AUTS2: variants seen among roughly 807,000 people sequenced by gnomAD.
The protein encoded by AUTS2 is autism susceptibility gene 2 protein.
Under a neutral mutation model 112.4 loss-of-function variants are expected in AUTS2, and 17 were observed. That is an observed-to-expected ratio of 0.15 (90% CI 0.10 to 0.23). The LOEUF (loss-of-function observed/expected upper bound fraction) is 0.23, where lower values mean the gene tolerates loss of function less well. Ranked by LOEUF, AUTS2 falls within the 10% of genes least tolerant of loss-of-function variation. AUTS2 has a pLI of 1.00. For missense variants in AUTS2, 1,510 were observed against 1,701.6 expected (o/e 0.89, Z 1.98); for synonymous variants, 751 against 702.7 (o/e 1.07, Z -1.09).
intron 1 of AUTS2, among the ~76,000 whole-genome samples, chr7:69,842,904 GA>G (rs778567558): frequency 1.3e-5 from 2 of 152,134 alleles, no homozygotes; most frequent in African/African-American, 2.4e-5. Flanking sequence ...GGACTTCCGA[GA>G]GGTATAAAAC....
At chr7:70,041,131 A>G (rs1214756311) in intron 2 of AUTS2, among the ~76,000 whole-genome samples, 1 of 152,202 alleles carries the variant, frequency 6.6e-6, no homozygotes, top group Admixed American at 6.5e-5. Context: ...AACTGCAAGA[A>G]TTTTCAGGCA....
At chr7:70,423,820 C>T (rs1017583251) in intron 4 of AUTS2, among the ~76,000 whole-genome samples, 1 of 152,030 alleles carries the variant, frequency 6.6e-6, no homozygotes, top group Admixed American at 6.6e-5. Flanking sequence ...TTTCTGTTTT[C>T]GTGTAGCATA....
At position 70,791,925 on chromosome 7, in the gene AUTS2, T is replaced by TGTCA. The variant is rs1216312841; in HGVS notation, c.*931_*934dup. 1 of 152,382 alleles carries TGTCA rather than the reference T, an allele frequency of 6.6e-6. No homozygotes were observed. Among genetic ancestry groups the TGTCA allele is most frequent in the Admixed American group, 6.5e-5 (1 of 15,278 alleles). 9.4% of individuals were successfully genotyped at this position (152,382 alleles called of 1,614,324 possible). On this transcript the variant is annotated 3_prime_UTR_variant, in exon 19 of 19. Transcript: ENST00000342771. ...AAATCAGGGGACGGGTGGTGGTGTCTGTCAGACACACACAGGTCGCCAGTG... is the reference window on the plus strand; with the variant it reads ...AAATCAGGGGACGGGTGGTGGTGTCTGTCAGTCAGACACACACAGGTCGCCAGTG...
chr7:69,763,293 G>A (rs765753784), intron 1 of AUTS2, among the ~76,000 whole-genome samples: 2 of 152,160 alleles, frequency 1.3e-5, no homozygotes, highest in Non-Finnish European at 2.9e-5. Context: ...TGATTAGGTA[G>A]AACCCCTTCA....
rs1186354496 is a variant in AUTS2 at position 70,616,118 on chromosome 7, A to C, written c.691-82451A>C. Among the ~76,000 whole-genome samples the C allele has an allele frequency of 3.9e-5, 6 of 152,368 alleles. No individual in the cohort carries two copies. The East Asian group carries it at 1.2e-3, about 29-fold the overall frequency. ...ACAACAAAAAAGGTGCAAATGAATT[A>C]GCTTCTGTACATCTTCTTCAGATTT... is the stretch of plus-strand genomic sequence containing the variant. On this transcript the variant is annotated intron_variant, in intron 5 of 18. Transcript: ENST00000342771.
chr7:70,606,574 C>A (rs977161374), intron 5 of AUTS2, among the ~76,000 whole-genome samples: 1 of 152,106 alleles, frequency 6.6e-6, no homozygotes, highest in Non-Finnish European at 1.5e-5. Flanking sequence ...AATAGTGTTT[C>A]TTGGGGCCAG....
At chr7:69,761,192 C>T (rs1049499213) in intron 1 of AUTS2, among the ~76,000 whole-genome samples, 1 of 152,164 alleles carries the variant, frequency 6.6e-6, no homozygotes, top group Non-Finnish European at 1.5e-5. Flanking sequence ...AATTTGCTGC[C>T]CCGCTCTAAT....
intron 1 of AUTS2, among the ~76,000 whole-genome samples, chr7:69,601,838 T>A (rs1156690998): frequency 6.6e-6 from 1 of 152,060 alleles, no homozygotes; most frequent in Admixed American, 6.6e-5. Flanking sequence ...ATGTTCCTAT[T>A]AGAACATGCT....
rs192708428 is a variant in AUTS2 at position 70,691,684 on chromosome 7, G to A, written c.691-6885G>A. 4.2e-3 allele frequency among the ~76,000 whole-genome samples: 641 copies of A among 152,158 alleles called. 4 individuals carry two copies. Among genetic ancestry groups the A allele is most frequent in the Non-Finnish European group, 4.5e-3 (306 of 68,002 alleles). ...ATGAGAAATGGAGCAGGTCACAGTG[G>A]GTGGTGTTCTGCAACCGGGCCAGCC... is the stretch of plus-strand genomic sequence containing the variant. On this transcript the variant is annotated intron_variant, in intron 5 of 18. Transcript: ENST00000342771.
intron 1 of AUTS2, among the ~76,000 whole-genome samples, chr7:69,864,389 T>A (rs1406801584): frequency 6.6e-6 from 1 of 152,222 alleles, no homozygotes; most frequent in African/African-American, 2.4e-5. Flanking sequence ...AGCCCTGTGC[T>A]GGGTGTGGTT....
At chr7:70,606,456 C>G (rs934678448) in intron 5 of AUTS2, among the ~76,000 whole-genome samples, 1 of 152,180 alleles carries the variant, frequency 6.6e-6, no homozygotes, top group Admixed American at 6.5e-5. Context: ...TGTGCAGGCA[C>G]TTTGTTAGCA....
chr7:69,813,117 C>T (rs1382343398), intron 1 of AUTS2, among the ~76,000 whole-genome samples: 1 of 152,184 alleles, frequency 6.6e-6, no homozygotes, highest in Non-Finnish European at 1.5e-5. Flanking sequence ...CCTACTATCC[C>T]CTTAGATTAA....
At chr7:70,485,507 T>C (rs1797955310) in intron 5 of AUTS2, among the ~76,000 whole-genome samples, 1 of 152,080 alleles carries the variant, frequency 6.6e-6, no homozygotes, top group Non-Finnish European at 1.5e-5. Flanking sequence ...AAAGGCTACA[T>C]ATTGGATATA....
At chr7:70,484,594 C>T (rs1386867848) in intron 5 of AUTS2, among the ~76,000 whole-genome samples, 2 of 152,130 alleles carry the variant, frequency 1.3e-5, no homozygotes, top group Non-Finnish European at 2.9e-5. Flanking sequence ...CTCCCAGTGC[C>T]ACTGTGGGGA....
At chr7:70,658,854 A>G (rs188602674) in intron 5 of AUTS2, among the ~76,000 whole-genome samples, 12 of 152,334 alleles carry the variant, frequency 7.9e-5, no homozygotes, top group Non-Finnish European at 1.6e-4. Flanking sequence ...GCCCTGAAGC[A>G]CAGACATATT....
chr7:69,789,772 G>A (rs964062839), intron 1 of AUTS2, among the ~76,000 whole-genome samples: 7 of 152,022 alleles, frequency 4.6e-5, no homozygotes, highest in African/African-American at 7.2e-5. Context: ...TGTTGTCTTG[G>A]GGGGATGCCA....
At chr7:70,119,841 T>G (rs1805591697) in intron 3 of AUTS2, 1 of 152,152 alleles carries the variant, frequency 6.6e-6, no homozygotes, top group South Asian at 2.1e-4. Context: ...TTTTCTCCAT[T>G]TTATTTTTAA....
At chr7:70,391,949 C>A (rs942224367) in intron 4 of AUTS2, among the ~76,000 whole-genome samples, 12 of 152,136 alleles carry the variant, frequency 7.9e-5, no homozygotes, top group African/African-American at 2.7e-4. Context: ...TGACCTGCTC[C>A]TGCATGGCTC....
chr7:70,763,718 T>G (rs1441585920), intron 7 of AUTS2, among the ~76,000 whole-genome samples: 1 of 152,046 alleles, frequency 6.6e-6, no homozygotes, highest in Non-Finnish European at 1.5e-5. Context: ...CAAGAGAGGC[T>G]CTCTGCCTCT....
Sources: allele counts gnomAD v4.1 joint callset (sites outside exome capture counted in the v4.1 genomes callset), GRCh38; gene constraint gnomAD v4.1.1; transcripts MANE v1.5; gene names NCBI Gene and HGNC (gene_info 2026-07-23, HGNC 2026-07-21).